The following DOCK9 variants were observed in gnomAD, a reference collection of about 807,000 sequenced individuals.
DOCK9 encodes dedicator of cytokinesis 9.
DOCK9 carries 89 observed loss-of-function variants against 263.3 expected under a neutral mutation model. The observed-to-expected ratio is 0.34, with a 90% CI of 0.28 to 0.40. The LOEUF is 0.40. DOCK9 is among the 10% of genes least tolerant of loss of function. The probability of loss-of-function intolerance (pLI) is 1.00; values close to 1 mark genes in which losing one functional copy is unlikely to be tolerated. For missense variants in DOCK9, 2,140 were observed against 2,603.4 expected (o/e 0.82, Z 3.87); for synonymous variants, 976 against 973.1 (o/e 1.00, Z -0.06).
chr13:98,899,227 G>A (rs1227919118), intron 13 of DOCK9, among the ~76,000 whole-genome samples: 1 of 152,024 alleles, frequency 6.6e-6, no homozygotes, highest in East Asian at 1.9e-4. Flanking sequence ...GTTCTGACAA[G>A]ACCTCCGGTG....
chr13:98,971,749 A>C (rs1467774021), intron 1 of DOCK9, among the ~76,000 whole-genome samples: 2 of 152,150 alleles, frequency 1.3e-5, no homozygotes, highest in African/African-American at 4.8e-5. Context: ...ATGCCTGCAG[A>C]TTCTTAGACT....
chr13:98,998,266 A>C (rs1277829956), intron 1 of DOCK9, among the ~76,000 whole-genome samples: 1 of 152,104 alleles, frequency 6.6e-6, no homozygotes, highest in African/African-American at 2.4e-5. Context: ...CACATGTCTC[A>C]ATTCACTAAA....
intron 1 of DOCK9, among the ~76,000 whole-genome samples, chr13:99,027,751 T>C (rs556094347): frequency 1.1e-4 from 17 of 152,082 alleles, no homozygotes; most frequent in African/African-American, 3.6e-4. Context: ...GGGAGGAAAG[T>C]GGTATAGCTC....
intron 2 of DOCK9, among the ~76,000 whole-genome samples, chr13:98,947,903 G>C (rs1167780595): frequency 1.3e-5 from 2 of 152,120 alleles, no homozygotes; most frequent in Non-Finnish European, 2.9e-5. Context: ...TACACTGTTG[G>C]CCACTGAATT....
chr13:98,893,292 C>G (rs1283580177), intron 15 of DOCK9, among the ~76,000 whole-genome samples: 3 of 152,086 alleles, frequency 2.0e-5, no homozygotes, highest in African/African-American at 7.2e-5. Context: ...AGTATTATTA[C>G]CTAAACTATC....
At chr13:98,797,549 T>G (rs1432135088) in intron 50 of DOCK9, 60 bp from the exon 51 acceptor site, 3 of 1,446,614 alleles carry the variant, frequency 2.1e-6, no homozygotes, top group African/African-American at 1.4e-5. Context: ...GACCATCTGC[T>G]CAGTTTCAGT....
intron 1 of DOCK9, among the ~76,000 whole-genome samples, chr13:98,989,378 T>C (rs1595841741): frequency 1.4e-5 from 1 of 72,988 alleles, no homozygotes; most frequent in East Asian, 2.4e-4. Flanking sequence ...ATAATAATAA[T>C]GATAATACAG....
chr13:98,988,736 T>G (rs572826832), intron 1 of DOCK9, among the ~76,000 whole-genome samples: 2 of 152,206 alleles, frequency 1.3e-5, no homozygotes, highest in African/African-American at 4.8e-5. Context: ...CCCTACTGTA[T>G]TGAAACCTTT....
chr13:98,989,316 A>AATGATGATGATG (rs10536129), intron 1 of DOCK9, among the ~76,000 whole-genome samples: 2 of 138,164 alleles, frequency 1.4e-5, no homozygotes, highest in East Asian at 2.2e-4. Context: ...AATTAATAAT[A>AATGATGATGATG]ATGATGATGA....
rs758273988 is a variant in DOCK9, at chr13:98,883,871, T to A, written c.2411A>T (p.Asp804Val). ...RHYGPEIKWV[D>V]GGKPLLKIST... Reference sequence around the variant, plus strand: ...AATTTTCAGCAGTGGCTTGCCTCCATCTACCCATTTAATTTCCGGACCATA... The same window carrying A: ...AATTTTCAGCAGTGGCTTGCCTCCAACTACCCATTTAATTTCCGGACCATA... The change falls in exon 22 of 53, where the codon GAT becomes GTT. Residue 804 changes from aspartate to valine, a missense_variant. Physicochemically the swap from Asp to Val is radical, Grantham distance 152. Coordinates refer to ENST00000682017, the MANE Select transcript of DOCK9 (RefSeq NM_001366683.2). 1.9e-6 allele frequency: 3 copies of A among 1,612,080 alleles called. No individual in the cohort carries two copies. The highest frequency in any genetic ancestry group is 2.5e-6 in the Non-Finnish European group (3 of 1,179,196).
At chr13:98,846,487 G>C (rs2093397006) in intron 37 of DOCK9, 1 of 1,339,984 alleles carries the variant, frequency 7.5e-7, no homozygotes, top group South Asian at 1.1e-5. Context: ...GCAAAGGAAG[G>C]GATTATATGA....
chr13:98,883,816 A>AG lies in DOCK9; in HGVS notation c.2465dup (p.Gln823SerfsTer7), dbSNP rs1749026744. 1.9e-6 allele frequency: 3 copies of AG among 1,607,636 alleles called. No individual in the cohort carries two copies. The highest frequency in any genetic ancestry group is 2.5e-6 in the Non-Finnish European group (3 of 1,177,118). Reference sequence around the variant, plus strand: ...ATTTTGTTGAAGGAGCACATACCTGAGTATACACTGTAGAAACCAGATGAG... The same window carrying AG: ...ATTTTGTTGAAGGAGCACATACCTGAGGTATACACTGTAGAAACCAGATGAG... On this transcript the variant is annotated frameshift_variant, in exon 22 of 53. Transcript: ENST00000682017. LOFTEE classifies it high-confidence loss of function.
At chr13:98,860,330 C>T (rs545289353) in intron 33 of DOCK9, 75 bp downstream of exon 33, 15 of 1,545,160 alleles carry the variant, frequency 9.7e-6, no homozygotes, top group East Asian at 4.9e-5. Flanking sequence ...AAGTGTGACA[C>T]GTTCACCAAC....
At chr13:99,024,164 T>C (rs1048088921) in intron 1 of DOCK9, among the ~76,000 whole-genome samples, 2 of 152,166 alleles carry the variant, frequency 1.3e-5, no homozygotes, top group Non-Finnish European at 1.5e-5. Flanking sequence ...AAACAGCACA[T>C]CTATTGGCAA....
intron 50 of DOCK9, among the ~76,000 whole-genome samples, chr13:98,798,182 G>A (rs2089667416): frequency 6.6e-6 from 1 of 152,206 alleles, no homozygotes; most frequent in African/African-American, 2.4e-5. Flanking sequence ...ACACTGGGAT[G>A]GGAAGAAGAA....
At chr13:99,052,753 AC>A (rs775089741) in intron 1 of DOCK9, among the ~76,000 whole-genome samples, 2 of 146,458 alleles carry the variant, frequency 1.4e-5, no homozygotes, top group African/African-American at 2.5e-5. Flanking sequence ...GACACATGCC[AC>A]CACACCAGCC....
chr13:98,930,482 G>A (rs1175433955), intron 2 of DOCK9, among the ~76,000 whole-genome samples: 4 of 152,190 alleles, frequency 2.6e-5, no homozygotes, highest in Admixed American at 2.6e-4. Flanking sequence ...TTCTTGATCA[G>A]GGGCCCACAG....
intron 38 of DOCK9, among the ~76,000 whole-genome samples, chr13:98,844,190 T>C (rs1025916139): frequency 1.3e-5 from 2 of 152,166 alleles, no homozygotes; most frequent in Non-Finnish European, 2.9e-5. Context: ...ACAGAAAAGA[T>C]GTTAAAAAAT....
chr13:98,843,664 T>C (rs192078661), intron 38 of DOCK9, among the ~76,000 whole-genome samples: 144 of 152,262 alleles, frequency 9.5e-4, no homozygotes, highest in Non-Finnish European at 1.5e-3. Flanking sequence ...GAGGACAGTA[T>C]GCCACTGAAA....
Sources: gnomAD v4.1 joint callset for allele counts (sites outside exome capture counted in the v4.1 genomes callset) on GRCh38, gnomAD v4.1.1 for gene constraint, MANE v1.5 for transcripts, NCBI Gene and HGNC (gene_info 2026-07-23, HGNC 2026-07-21) for gene names.